DPYD: variants seen among roughly 807,000 people sequenced by gnomAD.
DPYD encodes the protein dihydropyrimidine dehydrogenase.
A neutral mutation model predicts 116.2 loss-of-function variants in DPYD; 109 were observed. The observed-to-expected ratio is 0.94, with a 90% confidence interval of 0.80 to 1.10. The LOEUF (loss-of-function observed/expected upper bound fraction) is 1.10, where lower values mean the gene tolerates loss of function less well. DPYD is among the 50% of genes least tolerant of loss of function. The pLI is 0.00. For synonymous variants in DPYD, 440 were observed against 432.0 expected (o/e 1.02, Z -0.23); for missense variants, 1,302 against 1,254.5 (o/e 1.04, Z -0.57).
intron 2 of DPYD, among the ~76,000 whole-genome samples, chr1:97,850,822 C>T (rs1385702272): frequency 5.9e-5 from 9 of 152,016 alleles, no homozygotes; most frequent in South Asian, 2.1e-4. Context: ...AACTATAACT[C>T]CACCATCTGT....
At position 97,354,312 on chromosome 1, in the gene DPYD, C is replaced by G. The variant is rs138598530; in HGVS notation, c.2058+19249G>C. Among the ~76,000 whole-genome samples the G allele has an allele frequency of 4.3e-3, 661 of 152,278 alleles. 4 individuals carry two copies. Among genetic ancestry groups the G allele is most frequent in the African/African-American group, 0.015 (609 of 41,558 alleles). The stretch of plus-strand genomic sequence containing the variant: ...TCTGTCCTCTCATCCTTGGATACAA[C>G]CCTTGCTTATATAGGACAACAGATG... On this transcript the variant is annotated intron_variant, in intron 16 of 22. Coordinates refer to ENST00000370192, the MANE Select transcript of DPYD (RefSeq NM_000110.4).
intron 12 of DPYD, among the ~76,000 whole-genome samples, chr1:97,526,036 T>G (rs1352410284): frequency 6.7e-6 from 1 of 149,786 alleles, no homozygotes; most frequent in African/African-American, 2.5e-5. Flanking sequence ...TCAGTCACAT[T>G]AAATGACACA....
In DPYD at chr1:97,215,297, G is replaced by A. The variant is rs150061904; in HGVS notation, c.2442+19555C>T. 8.6e-4 allele frequency among the ~76,000 whole-genome samples: 131 copies of A among 152,290 alleles called. 1 individual carries two copies. The highest frequency in any genetic ancestry group is 3.0e-3 in the African/African-American group (124 of 41,564). On this transcript the variant is annotated intron_variant, in intron 19 of 22. Coordinates refer to ENST00000370192, the MANE Select transcript of DPYD (RefSeq NM_000110.4). The stretch of plus-strand genomic sequence containing the variant: ...GGGATTTCAACCCAAACAATTTGAT[G>A]CATTTTCATTTGGGTTGAAGCATTC...
intron 12 of DPYD, among the ~76,000 whole-genome samples, chr1:97,533,856 A>G (rs1649813912): frequency 6.6e-6 from 1 of 152,172 alleles, no homozygotes; most frequent in Admixed American, 6.5e-5. Flanking sequence ...TAGAAATAAC[A>G]ATATCTATAG....
chr1:97,675,579 CAT>C (rs1209568259), intron 8 of DPYD, among the ~76,000 whole-genome samples: 3 of 152,060 alleles, frequency 2.0e-5, no homozygotes, highest in Admixed American at 6.6e-5. Context: ...AATCAGGAAA[CAT>C]GTGAACAGAC....
intron 3 of DPYD, among the ~76,000 whole-genome samples, chr1:97,760,819 T>A (rs1665532548): frequency 6.6e-6 from 1 of 152,122 alleles, no homozygotes; most frequent in Non-Finnish European, 1.5e-5. Flanking sequence ...ACTCTGCTAG[T>A]GTAATTGAGA....
chr1:97,574,215 G>T (rs1386884314), intron 10 of DPYD, among the ~76,000 whole-genome samples: 2 of 152,104 alleles, frequency 1.3e-5, no homozygotes, highest in African/African-American at 4.8e-5. Flanking sequence ...TATTTCTCAA[G>T]TTTTAAGTAC....
chr1:97,414,959 C>T (rs1674211937), intron 14 of DPYD, among the ~76,000 whole-genome samples: 1 of 152,136 alleles, frequency 6.6e-6, no homozygotes, highest in African/African-American at 2.4e-5. Flanking sequence ...TTAAAAAACT[C>T]ATTAACTTAT....
At chr1:97,475,595 A>G (rs1677914254) in intron 13 of DPYD, among the ~76,000 whole-genome samples, 1 of 152,186 alleles carries the variant, frequency 6.6e-6, no homozygotes, top group African/African-American at 2.4e-5. Context: ...TTATTTGTAA[A>G]GAGCCATTTA....
chr1:97,671,206 T>G (rs1312473974), intron 8 of DPYD, among the ~76,000 whole-genome samples: 1 of 150,142 alleles, frequency 6.7e-6, no homozygotes, highest in Non-Finnish European at 1.5e-5. Context: ...TAATAATTAA[T>G]CAATACTTCA....
chr1:97,274,057 G>T (rs895497632), intron 18 of DPYD, among the ~76,000 whole-genome samples: 1 of 152,080 alleles, frequency 6.6e-6, no homozygotes, highest in Middle Eastern at 3.2e-3. Context: ...CTAAATAGGA[G>T]ATTTTATACA....
intron 1 of DPYD, among the ~76,000 whole-genome samples, chr1:97,910,138 T>TCTGAAA (rs1360936324): frequency 1.3e-5 from 2 of 152,126 alleles, no homozygotes; most frequent in Non-Finnish European, 2.9e-5. Context: ...TCTTGGTTTA[T>TCTGAAA]TTTTACAAAA....
chr1:97,088,667 T>C (rs866372258), intron 21 of DPYD, among the ~76,000 whole-genome samples: 2 of 152,270 alleles, frequency 1.3e-5, no homozygotes, highest in South Asian at 2.1e-4. Flanking sequence ...TGCATGTGTA[T>C]AATTTTTTTG....
Position 97,774,163 on chromosome 1 carries a change from C to T in DPYD, c.234-33684G>A, listed in dbSNP as rs943345636. Among the ~76,000 whole-genome samples, 7 of 152,130 alleles carry T rather than the reference C, an allele frequency of 4.6e-5. No homozygotes were observed. In the South Asian group the frequency reaches 1.2e-3, roughly 27 times the overall value. On this transcript the variant is annotated intron_variant, in intron 3 of 22. Transcript: ENST00000370192. ...AGCAAGCCACACCACCGTTGCATGC[C>T]CTGTGAGGGGGATAAGAGAACGTTT...
At chr1:97,123,660 A>G (rs532838104) in intron 20 of DPYD, among the ~76,000 whole-genome samples, 2 of 152,310 alleles carry the variant, frequency 1.3e-5, no homozygotes, top group South Asian at 2.1e-4. Context: ...TTAAGTAAGA[A>G]AATATACATG....
Position 97,621,428 on chromosome 1 carries a change from A to G in DPYD, c.851-26262T>C, listed in dbSNP as rs1328381278. ...TAGAGTGGAAGACATCAGTATATAC[A>G]CATGTTTCATTTAATACAGATACAT... On this transcript the variant is annotated intron_variant, in intron 8 of 22. Coordinates refer to ENST00000370192, the MANE Select transcript of DPYD (RefSeq NM_000110.4). Among the ~76,000 whole-genome samples, 3 of 151,994 alleles carry G rather than the reference A, an allele frequency of 2.0e-5. No individual in the cohort carries two copies. The East Asian group carries it at 5.8e-4, about 29-fold the overall frequency.
At chr1:97,209,601 A>G (rs1659903113) in intron 19 of DPYD, among the ~76,000 whole-genome samples, 3 of 152,140 alleles carry the variant, frequency 2.0e-5, no homozygotes, top group Non-Finnish European at 4.4e-5. Flanking sequence ...GAGTCGTGAA[A>G]CTTTCCTCTC....
rs147463831 is a variant in DPYD, at chr1:97,654,941, G to C, written c.850+24154C>G. Among the ~76,000 whole-genome samples the C allele has an allele frequency of 6.3e-3, 954 of 152,036 alleles. 11 individuals are homozygous for C. Among genetic ancestry groups the C allele is most frequent in the Admixed American group, 9.8e-3 (149 of 15,264 alleles). On this transcript the variant is annotated intron_variant, in intron 8 of 22. Coordinates refer to ENST00000370192, the MANE Select transcript of DPYD (RefSeq NM_000110.4). The stretch of plus-strand genomic sequence containing the variant: ...GAGAGAATGAGAACAAAGAGAAAAG[G>C]GTTTCCCTTATAAAACCATCAGATC...
chr1:97,457,609 A>C (rs2101813584), intron 13 of DPYD, among the ~76,000 whole-genome samples: 1 of 152,306 alleles, frequency 6.6e-6, no homozygotes, highest in Middle Eastern at 3.4e-3. Context: ...TTTGATAAAT[A>C]AATGTTTATT....
Sources: allele counts gnomAD v4.1 joint callset (sites outside exome capture counted in the v4.1 genomes callset), GRCh38; gene constraint gnomAD v4.1.1; transcripts MANE v1.5; gene names NCBI Gene and HGNC (gene_info 2026-07-23, HGNC 2026-07-21).